Variants in DNAJC3 observed in about 807,000 individuals in gnomAD.
DNAJC3 encodes the protein DnaJ heat shock protein family (Hsp40) member C3.
Under a neutral mutation model 68.6 loss-of-function variants are expected in DNAJC3, and 38 were observed. That is an observed-to-expected ratio of 0.55 (90% CI 0.43 to 0.73). The LOEUF (loss-of-function observed/expected upper bound fraction) is 0.73. DNAJC3 is among the 30% of genes least tolerant of loss of function. The probability of loss-of-function intolerance (pLI) is 0.00; values close to 1 mark genes in which losing one functional copy is unlikely to be tolerated. For missense variants in DNAJC3, 526 were observed against 591.9 expected (o/e 0.89, Z 1.16); for synonymous variants, 203 against 204.0 (o/e 1.00, Z 0.04).
chr13:95,698,040 G>GT (rs1480612678), intron 1 of DNAJC3, among the ~76,000 whole-genome samples: 3 of 151,566 alleles, frequency 2.0e-5, no homozygotes, highest in South Asian at 2.1e-4. Context: ...CTTAATGCTG[G>GT]TTTTTTCTCA....
chr13:95,786,986 ATTTAT>A lies in DNAJC3; in HGVS notation c.1209-16_1209-12del, dbSNP rs748237816. 7 of 1,592,276 alleles carry A rather than the reference ATTTAT, an allele frequency of 4.4e-6. No homozygotes were observed. The South Asian group carries it at 8.1e-5, about 18-fold the overall frequency. ...GTTAGACACTTTTCCACTAATGATTATTTATTTTACCACCCCTCAGAAATGCCAAA... is the reference window on the plus strand; with the variant it reads ...GTTAGACACTTTTCCACTAATGATTATTTACCACCCCTCAGAAATGCCAAA... On this transcript the variant is annotated splice_polypyrimidine_tract_variant and intron_variant, in intron 10 of 11. Coordinates refer to ENST00000602402, the MANE Select transcript of DNAJC3 (RefSeq NM_006260.5).
At chr13:95,708,253 C>G (rs1008099768) in intron 1 of DNAJC3, among the ~76,000 whole-genome samples, 1 of 152,194 alleles carries the variant, frequency 6.6e-6, no homozygotes, top group Non-Finnish European at 1.5e-5. Context: ...GAAATGCCTG[C>G]AAACTCCAGG....
intron 9 of DNAJC3, among the ~76,000 whole-genome samples, chr13:95,779,281 A>G (rs17880037): frequency 0.013 from 1,908 of 150,248 alleles, 33 homozygotes; most frequent in African/African-American, 0.043. Flanking sequence ...CCGCCACCAT[A>G]CCCGGCTAAT....
intron 2 of DNAJC3, among the ~76,000 whole-genome samples, chr13:95,722,379 A>G (rs1881349765): frequency 6.6e-6 from 1 of 152,168 alleles, no homozygotes; most frequent in African/African-American, 2.4e-5. Flanking sequence ...AGGTTTATAC[A>G]TTTCTAAAAC....
intron 1 of DNAJC3, among the ~76,000 whole-genome samples, chr13:95,688,927 G>GTGT (rs1880141291): frequency 5.4e-5 from 7 of 129,670 alleles, no homozygotes; most frequent in South Asian, 2.5e-4. Context: ...TGATTGTGTG[G>GTGT]GTGTGTGTGT....
rs17885331 is a variant in DNAJC3, at chr13:95,751,216, A to G, written c.394-6428A>G. ...ATGCTCCTGCACTCCAGCCAGAGTG[A>G]CAGAGGGAGACCCTGTCTAATTTAA... On this transcript the variant is annotated intron_variant, in intron 4 of 11. Transcript: ENST00000602402. 2.0e-4 allele frequency among the ~76,000 whole-genome samples: 31 copies of G among 152,376 alleles called. No homozygotes were observed. The South Asian group carries it at 4.3e-3, about 21-fold the overall frequency.
intron 9 of DNAJC3, among the ~76,000 whole-genome samples, chr13:95,772,067 A>G (rs1407910999): frequency 2.0e-5 from 3 of 152,226 alleles, no homozygotes; most frequent in Non-Finnish European, 4.4e-5. Flanking sequence ...GCAACTACTC[A>G]GCTCTGCCAT....
chr13:95,761,693 C>A (rs1038993994), intron 7 of DNAJC3, among the ~76,000 whole-genome samples: 2 of 152,208 alleles, frequency 1.3e-5, no homozygotes, highest in South Asian at 4.1e-4. Flanking sequence ...AACCACTAAT[C>A]TATTCACTTG....
intron 4 of DNAJC3, among the ~76,000 whole-genome samples, chr13:95,738,305 T>G (rs931012473): frequency 2.0e-5 from 3 of 150,666 alleles, no homozygotes; most frequent in Non-Finnish European, 3.0e-5. Context: ...TTCTGTTGAT[T>G]TGGGGTGGAG....
intron 1 of DNAJC3, chr13:95,694,009 A>T (rs1168441081): frequency 6.6e-6 from 1 of 152,180 alleles, no homozygotes; most frequent in Non-Finnish European, 1.5e-5. Context: ...CAATTACAAC[A>T]TAATCAGCAA....
intron 2 of DNAJC3, among the ~76,000 whole-genome samples, chr13:95,717,894 A>C (rs1393449433): frequency 6.6e-6 from 1 of 152,170 alleles, no homozygotes; most frequent in Non-Finnish European, 1.5e-5. Context: ...GGACTAACGC[A>C]CCAGTCCAGT....
At chr13:95,783,710 G>C (rs1594029520) in intron 9 of DNAJC3, among the ~76,000 whole-genome samples, 2 of 152,290 alleles carry the variant, frequency 1.3e-5, no homozygotes, top group African/African-American at 4.8e-5. Flanking sequence ...TCTGTACGTA[G>C]TGTGTAGCCT....
At chr13:95,681,935 T>C (rs903439277) in intron 1 of DNAJC3, among the ~76,000 whole-genome samples, 2 of 152,222 alleles carry the variant, frequency 1.3e-5, no homozygotes, top group African/African-American at 4.8e-5. Flanking sequence ...CTGCTACTTT[T>C]TCTCATATTG....
chr13:95,688,927 G>GGGGT lies in DNAJC3; in HGVS notation c.82+11591_82+11592insGGTG, dbSNP rs1555321769. Among the ~76,000 whole-genome samples the GGGGT allele has an allele frequency of 9.0e-3, 1,172 of 129,738 alleles. 8 individuals are homozygous for GGGGT. Among genetic ancestry groups the GGGGT allele is most frequent in the African/African-American group, 0.024 (776 of 32,578 alleles). 85.1% of individuals were successfully genotyped at this position (129,738 alleles called of 152,430 possible). On this transcript the variant is annotated intron_variant, in intron 1 of 11. Transcript: ENST00000602402. ...GAGACAAAGCCCATTTGATTGTGTG[G>GGGGT]GTGTGTGTGTGTGTGTGTGTGTGTG...
chr13:95,726,485 G>T (rs953107487), intron 4 of DNAJC3, among the ~76,000 whole-genome samples: 1 of 152,162 alleles, frequency 6.6e-6, no homozygotes, highest in Non-Finnish European at 1.5e-5. Flanking sequence ...TTTGAGAAGT[G>T]TCTGTTCATA....
intron 3 of DNAJC3, 59 bp downstream of exon 3, chr13:95,723,425 T>G (rs963685064): frequency 2.0e-5 from 31 of 1,568,952 alleles, no homozygotes; most frequent in Non-Finnish European, 2.6e-6. Context: ...GAGAGATAAT[T>G]TGTTTCATAA....
intron 9 of DNAJC3, among the ~76,000 whole-genome samples, chr13:95,774,626 T>C (rs1321511194): frequency 6.6e-6 from 1 of 152,244 alleles, no homozygotes; most frequent in Non-Finnish European, 1.5e-5. Flanking sequence ...ATATTGTCAA[T>C]ATTTCCTTCA....
chr13:95,683,452 G>A (rs1257882861), intron 1 of DNAJC3, among the ~76,000 whole-genome samples: 1 of 152,100 alleles, frequency 6.6e-6, no homozygotes, highest in South Asian at 2.1e-4. Flanking sequence ...ACAAGATCTG[G>A]TTGTTTAAAA....
chr13:95,701,420 G>A (rs765754380), intron 1 of DNAJC3, among the ~76,000 whole-genome samples: 4 of 152,188 alleles, frequency 2.6e-5, no homozygotes, highest in African/African-American at 4.8e-5. Context: ...GAGAGGGGCC[G>A]CTAAATGGAA....
Sources: allele counts gnomAD v4.1 joint callset (sites outside exome capture counted in the v4.1 genomes callset), GRCh38; gene constraint gnomAD v4.1.1; transcripts MANE v1.5; gene names NCBI Gene and HGNC (gene_info 2026-07-23, HGNC 2026-07-21).